GALNTL6: variants seen among roughly 807,000 people sequenced by gnomAD.
GALNTL6 encodes polypeptide N-acetylgalactosaminyltransferase-like 6.
A neutral mutation model predicts 73.7 loss-of-function variants in GALNTL6; 46 were observed. The observed-to-expected ratio is 0.62, with a 90% CI of 0.49 to 0.80. The LOEUF (loss-of-function observed/expected upper bound fraction) is 0.80, where lower values mean the gene tolerates loss of function less well. Ranked by LOEUF, GALNTL6 falls within the 30% of genes least tolerant of loss-of-function variation. The pLI is 0.00. For missense variants in GALNTL6, 604 were observed against 755.0 expected (o/e 0.80, Z 2.34); for synonymous variants, 259 against 263.7 (o/e 0.98, Z 0.17).
chr4:172,984,568 C>G (rs890099228), intron 10 of GALNTL6, among the ~76,000 whole-genome samples: 15 of 152,102 alleles, frequency 9.9e-5, no homozygotes, highest in African/African-American at 3.4e-4. Context: ...TCATCAGATT[C>G]TCAAAAAGAG....
intron 5 of GALNTL6, among the ~76,000 whole-genome samples, chr4:172,435,612 C>G (rs955626601): frequency 4.6e-5 from 7 of 152,076 alleles, no homozygotes; most frequent in African/African-American, 1.7e-4. Flanking sequence ...AAAATATAAG[C>G]TCTTCGAGGA....
intron 2 of GALNTL6, among the ~76,000 whole-genome samples, chr4:172,083,663 C>T (rs192009435): frequency 6.6e-6 from 1 of 152,322 alleles, no homozygotes; most frequent in African/African-American, 2.4e-5. Context: ...TTCTCCCCAA[C>T]CTCATGACAT....
chr4:172,209,750 G>A (rs1736265050), intron 2 of GALNTL6, among the ~76,000 whole-genome samples: 1 of 151,974 alleles, frequency 6.6e-6, no homozygotes, highest in Admixed American at 6.6e-5. Context: ...GCTAGAGCTT[G>A]CTGTTTTAAT....
intron 2 of GALNTL6, among the ~76,000 whole-genome samples, chr4:171,968,815 T>C (rs1458033447): frequency 6.8e-6 from 1 of 146,414 alleles, no homozygotes. Context: ...TCGCCCTCCC[T>C]TGTTCTATTT....
In GALNTL6 at chr4:172,986,693, T is replaced by G. The variant is rs538312372; in HGVS notation, c.1372-22485T>G. Among the ~76,000 whole-genome samples the G allele has an allele frequency of 8.5e-5, 13 of 152,302 alleles. No individual in the cohort carries two copies. The East Asian group carries it at 2.5e-3, about 29-fold the overall frequency. The stretch of plus-strand genomic sequence containing the variant: ...GCTATGCTCCTATAAGTGATGAAGG[T>G]AAACAGATTTTTAATAAGAGATATT... On this transcript the variant is annotated intron_variant, in intron 10 of 12. Transcript: ENST00000506823.
chr4:172,809,580 G>A lies in GALNTL6; in HGVS notation c.739+34G>A. ...AGGTTGCTAAGCACCATCCTGGGAT[G>A]CCTCAGGGGAACTGAGCGGTTTGCT... On this transcript the variant is annotated intron_variant, in intron 6 of 12. Coordinates refer to ENST00000506823, the MANE Select transcript of GALNTL6 (RefSeq NM_001034845.3). This position sits in a 1 kb window ranked among gnomAD's most constrained non-coding sequence, Gnocchi z 4.4. 7 of 1,547,396 alleles carry A rather than the reference G, an allele frequency of 4.5e-6. No homozygotes were observed. The highest frequency in any genetic ancestry group is 6.1e-6 in the Non-Finnish European group (7 of 1,138,388).
intron 5 of GALNTL6, among the ~76,000 whole-genome samples, chr4:172,395,164 A>C (rs1375737565): frequency 6.6e-6 from 1 of 152,200 alleles, no homozygotes; most frequent in African/African-American, 2.4e-5. Context: ...ATGTCCAAAG[A>C]GGCCATCACT....
At chr4:172,330,094 G>A (rs1178635539) in intron 4 of GALNTL6, among the ~76,000 whole-genome samples, 2 of 152,198 alleles carry the variant, frequency 1.3e-5, no homozygotes, top group Non-Finnish European at 2.9e-5. Context: ...AGGATCTGCA[G>A]ACCATTACTG....
intron 5 of GALNTL6, among the ~76,000 whole-genome samples, chr4:172,428,603 T>C (rs1001558110): frequency 1.3e-5 from 2 of 152,130 alleles, no homozygotes; most frequent in African/African-American, 2.4e-5. Context: ...TCCTGAAAAA[T>C]GTATATGCCA....
At chr4:172,822,931 C>T (rs1359867240) in intron 7 of GALNTL6, among the ~76,000 whole-genome samples, 1 of 152,170 alleles carries the variant, frequency 6.6e-6, no homozygotes, top group Non-Finnish European at 1.5e-5. Context: ...GACTTCATCT[C>T]ATTTATTCCT....
At chr4:172,659,304 G>A (rs1356207834) in intron 5 of GALNTL6, among the ~76,000 whole-genome samples, 1 of 152,096 alleles carries the variant, frequency 6.6e-6, no homozygotes, top group East Asian at 1.9e-4. Flanking sequence ...TAGTCATACA[G>A]TGTGTAATGA....
chr4:172,801,372 A>G (rs963794344), intron 5 of GALNTL6, among the ~76,000 whole-genome samples: 1 of 152,174 alleles, frequency 6.6e-6, no homozygotes, highest in South Asian at 2.1e-4. Context: ...TGACAAAACA[A>G]ATAAATCTTT....
intron 2 of GALNTL6, among the ~76,000 whole-genome samples, chr4:172,185,632 G>T (rs943238133): frequency 2.6e-5 from 4 of 152,136 alleles, no homozygotes; most frequent in African/African-American, 7.2e-5. Flanking sequence ...AATTTGAGAT[G>T]ATCAGTTTTT....
intron 5 of GALNTL6, among the ~76,000 whole-genome samples, chr4:172,471,791 G>A (rs528405378): frequency 2.6e-4 from 40 of 152,290 alleles, no homozygotes; most frequent in African/African-American, 7.9e-4. Context: ...ACAGCGCTTA[G>A]AAAGTAAGAG....
intron 6 of GALNTL6, among the ~76,000 whole-genome samples, chr4:172,812,807 C>T (rs1016670784): frequency 1.3e-5 from 2 of 152,026 alleles, no homozygotes; most frequent in African/African-American, 4.8e-5. Context: ...TAATAGTTAC[C>T]CTACAGGGTT....
chr4:171,881,144 A>G (rs1369017243), intron 2 of GALNTL6, among the ~76,000 whole-genome samples: 3 of 152,224 alleles, frequency 2.0e-5, no homozygotes, highest in Non-Finnish European at 4.4e-5. Flanking sequence ...AAGAGCCTGT[A>G]GAGATTTCTG....
chr4:172,757,422 T>A (rs2110808242), intron 5 of GALNTL6, among the ~76,000 whole-genome samples: 1 of 152,324 alleles, frequency 6.6e-6, no homozygotes, highest in Non-Finnish European at 1.5e-5. Context: ...TTATAGGATT[T>A]GGTAACAGCC....
At chr4:172,516,759 TAGC>T (rs1734620804) in intron 5 of GALNTL6, among the ~76,000 whole-genome samples, 1 of 152,162 alleles carries the variant, frequency 6.6e-6, no homozygotes, top group South Asian at 2.1e-4. Flanking sequence ...TTAGTCATAA[TAGC>T]CAAGAGGGGG....
chr4:172,761,707 C>A (rs1442477100), intron 5 of GALNTL6, among the ~76,000 whole-genome samples: 1 of 145,746 alleles, frequency 6.9e-6, no homozygotes. Context: ...TTCTCTCTCT[C>A]CTGCTCCACT....
Sources: gnomAD v4.1 joint callset for allele counts (sites outside exome capture counted in the v4.1 genomes callset) on GRCh38, gnomAD v4.1.1 for gene constraint, Gnocchi (gnomAD v3.1) non-coding constraint, MANE v1.5 for transcripts, NCBI Gene and HGNC (gene_info 2026-07-23, HGNC 2026-07-21) for gene names.